ALMS1: variants seen among roughly 807,000 people sequenced by gnomAD.
ALMS1 encodes the protein centrosome-associated protein ALMS1.
A neutral mutation model predicts 352.2 loss-of-function variants in ALMS1; 271 were observed. The observed-to-expected ratio is 0.77, with a 90% CI of 0.70 to 0.85. ALMS1 has a LOEUF of 0.85. Ranked by LOEUF, ALMS1 falls within the 40% of genes least tolerant of loss-of-function variation. The pLI is 0.00. For missense variants in ALMS1, 5,445 were observed against 4,870.7 expected (o/e 1.12, Z -3.51); for synonymous variants, 1,865 against 1,761.2 (o/e 1.06, Z -1.48).
chr2:73,493,730 A>T (rs926136450), intron 10 of ALMS1, among the ~76,000 whole-genome samples: 2 of 152,020 alleles, frequency 1.3e-5, no homozygotes, highest in Admixed American at 6.6e-5. Flanking sequence ...CAAAAAAAAA[A>T]TTTATAAAGT....
At chr2:73,459,217 G>C (rs951617804) in intron 9 of ALMS1, 1 of 152,092 alleles carries the variant, frequency 6.6e-6, no homozygotes, top group South Asian at 2.1e-4. Context: ...TGATTTTTAT[G>C]TAGGAAAGCC....
At chr2:73,580,327 C>A (rs1043341381) in intron 16 of ALMS1, among the ~76,000 whole-genome samples, 2 of 152,200 alleles carry the variant, frequency 1.3e-5, no homozygotes, top group Non-Finnish European at 1.5e-5. Context: ...GATCTTTCAT[C>A]TGTGTGATCA....
chr2:73,491,641 T>A, intron 10 of ALMS1, 143 bp downstream of exon 10: 1 of 882,746 alleles, frequency 1.1e-6, no homozygotes, highest in Non-Finnish European at 1.8e-6. Flanking sequence ...CTAGAAGTCT[T>A]TCAAGGAATA....
Position 73,424,885 on chromosome 2 carries a change from CAG to C in ALMS1, c.1222_1223del (p.Glu408AsnfsTer12). ...ACACAGGAAGATTCATCTAAGCAGGCAGAAACATATTTAACCAGTAAGTACCC... is the reference window on the plus strand; with the variant it reads ...ACACAGGAAGATTCATCTAAGCAGGCAAACATATTTAACCAGTAAGTACCC... On this transcript the variant is annotated frameshift_variant, in exon 5 of 23. Coordinates refer to ENST00000613296, the MANE Select transcript of ALMS1 (RefSeq NM_001378454.1). LOFTEE classifies it high-confidence loss of function. 1 of 1,601,822 alleles carries C rather than the reference CAG, an allele frequency of 6.2e-7. No individual in the cohort carries two copies. The highest frequency in any genetic ancestry group is 8.5e-7 in the Non-Finnish European group (1 of 1,173,618).
chr2:73,467,708 A>G (rs897508972), intron 9 of ALMS1, among the ~76,000 whole-genome samples: 2 of 152,086 alleles, frequency 1.3e-5, no homozygotes, highest in Non-Finnish European at 2.9e-5. Context: ...AGAGTAGAAT[A>G]GATGAATCAA....
intron 10 of ALMS1, among the ~76,000 whole-genome samples, chr2:73,500,918 A>C (rs1673205093): frequency 6.6e-6 from 1 of 152,182 alleles, no homozygotes; most frequent in African/African-American, 2.4e-5. Flanking sequence ...CTAACCTGGA[A>C]CTGGAACCAC....
chr2:73,495,929 A>G lies in ALMS1; in HGVS notation c.9539+4431A>G, dbSNP rs150386219. Among the ~76,000 whole-genome samples the G allele has an allele frequency of 7.2e-5, 11 of 152,326 alleles. 1 individual carries two copies. The East Asian group carries it at 2.1e-3, about 29-fold the overall frequency. The stretch of plus-strand genomic sequence containing the variant: ...TACCCACATGAAAAACAAATTCTGC[A>G]TCTAGAGTACAGTGTTTATCTGCAG... On this transcript the variant is annotated intron_variant, in intron 10 of 22. Coordinates refer to ENST00000613296, the MANE Select transcript of ALMS1 (RefSeq NM_001378454.1).
chr2:73,545,182 T>A (rs6715819), intron 12 of ALMS1, among the ~76,000 whole-genome samples: 1 of 134,880 alleles, frequency 7.4e-6, no homozygotes, highest in Non-Finnish European at 1.7e-5. Context: ...TTTTTTGTGG[T>A]TTTTTTTTTT....
intron 11 of ALMS1, among the ~76,000 whole-genome samples, chr2:73,529,102 G>A (rs1421671686): frequency 7.3e-6 from 1 of 137,698 alleles, no homozygotes; most frequent in East Asian, 2.1e-4. Context: ...GGAGTACAGT[G>A]GTGCAGTCTC....
At chr2:73,515,661 A>T (rs1298218079) in intron 10 of ALMS1, among the ~76,000 whole-genome samples, 1 of 152,090 alleles carries the variant, frequency 6.6e-6, no homozygotes, top group Non-Finnish European at 1.5e-5. Context: ...TCTTCCAAAG[A>T]ATAAACAAGA....
chr2:73,487,960 G>GT (rs1374914229), intron 9 of ALMS1, among the ~76,000 whole-genome samples: 2 of 152,322 alleles, frequency 1.3e-5, no homozygotes, highest in Admixed American at 1.3e-4. Flanking sequence ...CTCCAAGTCT[G>GT]GCTGAGTCCA....
intron 9 of ALMS1, among the ~76,000 whole-genome samples, chr2:73,466,232 C>G (rs575072063): frequency 6.6e-6 from 1 of 152,112 alleles, no homozygotes; most frequent in South Asian, 2.1e-4. Context: ...TTGGAACCAA[C>G]CCAAATGTCC....
chr2:73,401,888 AAT>A (rs1164196158), intron 1 of ALMS1, among the ~76,000 whole-genome samples: 1 of 152,206 alleles, frequency 6.6e-6, no homozygotes, highest in African/African-American at 2.4e-5. Flanking sequence ...GACTTTAAAA[AAT>A]AGATTTCATA....
rs1017348550 is a variant in ALMS1, at chr2:73,597,309, A to G, written c.11548-2092A>G. On this transcript the variant is annotated intron_variant, in intron 16 of 22. Coordinates refer to ENST00000613296, the MANE Select transcript of ALMS1 (RefSeq NM_001378454.1). ...TGCAACCTGGGTAACCTTGGTTATT[A>G]GTTCTAGTTCTTTGAGGATTCCTTA... Among the ~76,000 whole-genome samples, 40 of 152,100 alleles carry G rather than the reference A, an allele frequency of 2.6e-4. 1 individual carries two copies.
intron 7 of ALMS1, among the ~76,000 whole-genome samples, chr2:73,447,175 AC>A (rs1671825490): frequency 6.6e-6 from 1 of 152,186 alleles, no homozygotes; most frequent in South Asian, 2.1e-4. Flanking sequence ...GCAGTCACTT[AC>A]TTTACACTGC....
Position 73,453,612 on chromosome 2 carries a change from C to A in ALMS1, c.7085C>A (p.Pro2362His). 6.2e-7 allele frequency: 1 copy of A among 1,613,958 alleles called. No individual in the cohort carries two copies. The highest frequency in any genetic ancestry group is 8.5e-7 in the Non-Finnish European group (1 of 1,179,996). Reference sequence around the variant, plus strand: ...ATTAGTTCAACTACAGTTAGAAGTCCTCTACAGGAAGCAGAGAGCAAAGTC... The same window carrying A: ...ATTAGTTCAACTACAGTTAGAAGTCATCTACAGGAAGCAGAGAGCAAAGTC... Reference protein sequence around the residue: ...EFISSTTVRSPLQEAESKVSM... With the variant: ...EFISSTTVRSHLQEAESKVSM... The change falls in exon 8 of 23, where the codon CCT becomes CAT. Residue 2362 changes from proline to histidine, a missense_variant. Coordinates refer to ENST00000613296, the MANE Select transcript of ALMS1 (RefSeq NM_001378454.1).
At chr2:73,458,595 C>T (rs957386169) in intron 9 of ALMS1, 1 of 152,118 alleles carries the variant, frequency 6.6e-6, no homozygotes, top group African/African-American at 2.4e-5. Context: ...AACACAGAAC[C>T]TGAGAAAGAG....
intron 10 of ALMS1, among the ~76,000 whole-genome samples, chr2:73,512,209 C>T (rs1673466948): frequency 2.0e-5 from 3 of 152,050 alleles, no homozygotes; most frequent in Admixed American, 1.3e-4. Flanking sequence ...CTCAGCCTCC[C>T]GAGTAGCTGG....
chr2:73,602,023 C>T (rs1288474491), intron 19 of ALMS1, among the ~76,000 whole-genome samples, 162 bp from the exon 20 acceptor site: 1 of 152,188 alleles, frequency 6.6e-6, no homozygotes, highest in Non-Finnish European at 1.5e-5. Flanking sequence ...AGCTCTCCCC[C>T]ATAGAGAGAT....
Sources: gnomAD v4.1 joint callset for allele counts (sites outside exome capture counted in the v4.1 genomes callset) on GRCh38, gnomAD v4.1.1 for gene constraint, MANE v1.5 for transcripts, NCBI Gene and HGNC (gene_info 2026-07-23, HGNC 2026-07-21) for gene names.